Variants in COL26A1 observed in about 807,000 individuals in gnomAD.
COL26A1 encodes the protein collagen alpha-1(XXVI) chain.
A neutral mutation model predicts 59.3 loss-of-function variants in COL26A1; 41 were observed. The ratio of observed to expected loss-of-function variants is 0.69; its 90% CI spans 0.54 to 0.90. The LOEUF (loss-of-function observed/expected upper bound fraction) is 0.90, where lower values mean the gene tolerates loss of function less well. Among genes scored for constraint, COL26A1 ranks in the 40% least tolerant of loss-of-function variants. COL26A1 has a pLI of 0.00. For missense variants in COL26A1, 612 were observed against 602.3 expected (o/e 1.02, Z -0.17); for synonymous variants, 266 against 256.0 (o/e 1.04, Z -0.37).
At chr7:101,495,880 A>G (rs1251516511) in intron 3 of COL26A1, among the ~76,000 whole-genome samples, 1 of 151,364 alleles carries the variant, frequency 6.6e-6, no homozygotes, top group East Asian at 2.0e-4. Flanking sequence ...GATCACACGA[A>G]CCCAGGAATT....
chr7:101,379,561 C>T (rs994229818), intron 1 of COL26A1, among the ~76,000 whole-genome samples: 3 of 152,174 alleles, frequency 2.0e-5, no homozygotes, highest in African/African-American at 4.8e-5. Context: ...GTCAGAGGTG[C>T]GTGAACCACA....
chr7:101,539,975 A>G lies in COL26A1; in HGVS notation c.530A>G (p.Asn177Ser), dbSNP rs762343480. ...CCCGAGAGCACTCCGCCGACCTGGA[A>G]TGAGGACTTCCTCCCCGACGCCATC... ...PAPESTPPTW[N>S]EDFLPDAIPL... is the part of the protein sequence containing the mutation. The change falls in exon 5 of 13, where the codon AAT (asparagine) becomes AGT (serine). Residue 177 changes from asparagine to serine, a missense_variant. Coordinates refer to ENST00000313669, the MANE Select transcript of COL26A1 (RefSeq NM_001278563.3). 1 of 1,613,460 alleles carries G rather than the reference A, an allele frequency of 6.2e-7. No individual in the cohort carries two copies. The highest frequency in any genetic ancestry group is 1.7e-5 in the Admixed American group (1 of 59,980).
intron 2 of COL26A1, among the ~76,000 whole-genome samples, chr7:101,443,060 CATGT>C (rs1793100757): frequency 6.6e-6 from 1 of 152,086 alleles, no homozygotes; most frequent in African/African-American, 2.4e-5. Flanking sequence ...AATGTGTGTG[CATGT>C]ATGTGAGTGT....
intron 1 of COL26A1, among the ~76,000 whole-genome samples, chr7:101,399,014 G>A (rs1033260848): frequency 7.2e-5 from 11 of 152,040 alleles, no homozygotes; most frequent in Non-Finnish European, 1.6e-4. Flanking sequence ...TGCCCATCAA[G>A]ATGAGAGACA....
At chr7:101,538,211 T>C (rs62465093) in intron 4 of COL26A1, among the ~76,000 whole-genome samples, 78,828 of 151,918 alleles carry the variant, frequency 0.52, 22,469 homozygotes, top group African/African-American at 0.75. Context: ...GTCAGCTTCT[T>C]CAGGGGTGCC....
chr7:101,410,441 T>G (rs1159992575), intron 1 of COL26A1, among the ~76,000 whole-genome samples: 6 of 152,128 alleles, frequency 3.9e-5, no homozygotes, highest in Admixed American at 3.3e-4. Flanking sequence ...GAAAAGAAGT[T>G]TATTAATCTT....
chr7:101,454,966 A>C (rs6964126), intron 3 of COL26A1, among the ~76,000 whole-genome samples: 60,691 of 151,708 alleles, frequency 0.4, 12,930 homozygotes, highest in Middle Eastern at 0.47. Flanking sequence ...TAGAGCATAA[A>C]TTCTGTGAGC....
At chr7:101,461,842 C>A (rs759476966) in intron 3 of COL26A1, among the ~76,000 whole-genome samples, 3 of 152,128 alleles carry the variant, frequency 2.0e-5, no homozygotes, top group Admixed American at 6.6e-5. Flanking sequence ...AGTGTGCTGG[C>A]CCAGACTGGG....
chr7:101,494,262 G>A (rs143794554), intron 3 of COL26A1, among the ~76,000 whole-genome samples: 3,285 of 151,850 alleles, frequency 0.022, 137 homozygotes, highest in African/African-American at 0.075. Flanking sequence ...GAGTAGCTGG[G>A]ATTCCAGGCA....
chr7:101,508,369 A>G (rs1246007411), intron 3 of COL26A1, among the ~76,000 whole-genome samples: 1 of 152,104 alleles, frequency 6.6e-6, no homozygotes, highest in Non-Finnish European at 1.5e-5. Context: ...AAAAAATAGA[A>G]AAATCATCCA....
intron 3 of COL26A1, among the ~76,000 whole-genome samples, chr7:101,475,752 C>CT (rs869154258): frequency 1.4e-5 from 2 of 146,786 alleles, no homozygotes; most frequent in Non-Finnish European, 3.0e-5. Context: ...TCCTTCCTTC[C>CT]TTTTTCTTTC....
intron 3 of COL26A1, among the ~76,000 whole-genome samples, chr7:101,529,902 G>A (rs936007151): frequency 6.6e-6 from 1 of 152,128 alleles, no homozygotes; most frequent in African/African-American, 2.4e-5. Context: ...ACTAGAGAGG[G>A]GTCATGCATC....
At chr7:101,457,598 A>G (rs1319080139) in intron 3 of COL26A1, among the ~76,000 whole-genome samples, 1 of 152,186 alleles carries the variant, frequency 6.6e-6, no homozygotes, top group Non-Finnish European at 1.5e-5. Context: ...GTGAGGTTAG[A>G]AGCAAGATGG....
intron 2 of COL26A1, among the ~76,000 whole-genome samples, chr7:101,447,047 A>T (rs1793214856): frequency 6.6e-6 from 1 of 151,936 alleles, no homozygotes; most frequent in African/African-American, 2.4e-5. Context: ...TAGGGGGTCG[A>T]AGTGAGGTTT....
rs1460771233 is a variant in COL26A1, at chr7:101,362,923, G to A, written c.-110G>A. Reference sequence around the variant, plus strand: ...CACCCGGGCTCCGACCGCTCGCCCCGCTCCTCTCGCTGTGCTCCCGGCCGG... The same window carrying A: ...CACCCGGGCTCCGACCGCTCGCCCCACTCCTCTCGCTGTGCTCCCGGCCGG... On this transcript the variant is annotated 5_prime_UTR_variant, in exon 1 of 13. Coordinates refer to ENST00000313669, the MANE Select transcript of COL26A1 (RefSeq NM_001278563.3). 8.6e-6 allele frequency: 10 copies of A among 1,166,018 alleles called. No homozygotes were observed. The highest frequency in any genetic ancestry group is 1.0e-5 in the Non-Finnish European group (9 of 867,272). 72.2% of individuals were successfully genotyped at this position (1,166,018 alleles called of 1,614,324 possible).
chr7:101,542,315 C>T (rs1795634257), intron 5 of COL26A1, among the ~76,000 whole-genome samples: 1 of 152,178 alleles, frequency 6.6e-6, no homozygotes, highest in Admixed American at 6.5e-5. Context: ...GTCGGCCAGG[C>T]TGGCCTCAAA....
chr7:101,394,585 CT>C (rs59966789), intron 1 of COL26A1, among the ~76,000 whole-genome samples: 11,854 of 122,388 alleles, frequency 0.097, 441 homozygotes, highest in African/African-American at 0.17. Flanking sequence ...TTTTTCTTTT[CT>C]TTTTTTTTTT....
At chr7:101,426,096 A>G (rs1176656077) in intron 2 of COL26A1, among the ~76,000 whole-genome samples, 1 of 152,108 alleles carries the variant, frequency 6.6e-6, no homozygotes, top group Non-Finnish European at 1.5e-5. Flanking sequence ...AAGTGTTGAG[A>G]TTACAGGCAT....
rs945624155 is a variant in COL26A1, at chr7:101,533,271, C to T, written c.447+128C>T. 1.1e-5 allele frequency: 8 copies of T among 707,448 alleles called. No homozygotes were observed. The African/African-American group carries it at 1.4e-4, about 12-fold the overall frequency. 43.8% of individuals were successfully genotyped at this position (707,448 alleles called of 1,614,324 possible). On this transcript the variant is annotated intron_variant, in intron 4 of 12. Transcript: ENST00000313669. ...CCCCGGGTTTCCAAGCAGGCTTGGA[C>T]AGCCGGTCCCAGGTACTGGGTACTG...
Sources: gnomAD v4.1 joint callset for allele counts (sites outside exome capture counted in the v4.1 genomes callset) on GRCh38, gnomAD v4.1.1 for gene constraint, MANE v1.5 for transcripts, NCBI Gene and HGNC (gene_info 2026-07-23, HGNC 2026-07-21) for gene names.